The following CA8 variants were observed in gnomAD, a reference collection of about 807,000 sequenced individuals.
CA8 encodes carbonic anhydrase 8 (inactive), also known as carbonic anhydrase-related protein.
CA8 carries 22 observed loss-of-function variants against 41.4 expected under a neutral mutation model. The observed-to-expected ratio is 0.53, with a 90% confidence interval of 0.38 to 0.76. The LOEUF is 0.76. CA8 is among the 30% of genes least tolerant of loss of function. CA8 has a pLI of 0.00. For synonymous variants in CA8, 121 were observed against 130.6 expected (o/e 0.93, Z 0.50); for missense variants, 270 against 352.8 (o/e 0.77, Z 1.88).
intron 7 of CA8, among the ~76,000 whole-genome samples, chr8:60,212,283 G>A (rs111724787): frequency 0.026 from 3,947 of 152,206 alleles, 188 homozygotes; most frequent in African/African-American, 0.089. Context: ...TAATTTCCAG[G>A]GTTTGCAGTT....
In CA8 at chr8:60,279,886, A is replaced by T. The variant is rs1158029641; in HGVS notation, c.101-6T>A. The T allele has an allele frequency of 6.9e-6, 11 of 1,600,068 alleles. No individual in the cohort carries two copies. The highest frequency in any genetic ancestry group is 9.4e-6 in the Non-Finnish European group (11 of 1,172,688). ...CACCAGACCCCACTCAACACCTAAG[A>T]ACAAAATGAAATAAATTAAAAACAG... On this transcript the variant is annotated splice_region_variant and splice_polypyrimidine_tract_variant and intron_variant, in intron 1 of 8. Transcript: ENST00000317995.
chr8:60,265,574 C>T (rs1052053815), intron 3 of CA8: 1 of 281,172 alleles, frequency 3.6e-6, no homozygotes, highest in African/African-American at 2.2e-5. Flanking sequence ...TGAGGTTTCT[C>T]CAACGGTTGC....
intron 8 of CA8, among the ~76,000 whole-genome samples, chr8:60,200,837 C>G (rs1806404290): frequency 6.6e-6 from 1 of 152,168 alleles, no homozygotes; most frequent in Non-Finnish European, 1.5e-5. Flanking sequence ...TCAACCAGAG[C>G]TGGCATGCAA....
intron 8 of CA8, among the ~76,000 whole-genome samples, chr8:60,201,182 T>A (rs1263912411): frequency 6.6e-6 from 1 of 152,174 alleles, no homozygotes; most frequent in African/African-American, 2.4e-5. Context: ...GACCATAAAT[T>A]CAATATTGTA....
chr8:60,232,199 A>T, intron 4 of CA8, 85 bp downstream of exon 4: 1 of 996,308 alleles, frequency 1.0e-6, no homozygotes, highest in Non-Finnish European at 1.6e-6. Flanking sequence ...TCTCTAAGCA[A>T]TAAAATTGAG....
intron 3 of CA8, among the ~76,000 whole-genome samples, chr8:60,256,673 A>C (rs961822889): frequency 2.0e-5 from 3 of 152,186 alleles, no homozygotes; most frequent in Non-Finnish European, 4.4e-5. Flanking sequence ...TCATCATTTG[A>C]CTCAATTAGA....
At chr8:60,230,036 C>T (rs1308655164) in intron 4 of CA8, among the ~76,000 whole-genome samples, 4 of 152,190 alleles carry the variant, frequency 2.6e-5, no homozygotes, top group African/African-American at 9.7e-5. Flanking sequence ...TATTATCATC[C>T]CCTTCTGGTC....
At chr8:60,262,847 A>C (rs1803777482) in intron 3 of CA8, among the ~76,000 whole-genome samples, 1 of 152,246 alleles carries the variant, frequency 6.6e-6, no homozygotes, top group African/African-American at 2.4e-5. Context: ...TCTGAAACCT[A>C]CAGGTATCAA....
intron 7 of CA8, among the ~76,000 whole-genome samples, chr8:60,210,646 G>A (rs962598302): frequency 1.3e-5 from 2 of 150,510 alleles, no homozygotes; most frequent in African/African-American, 4.9e-5. Context: ...GTACTTACAT[G>A]CGCTTCGAAT....
At chr8:60,215,908 G>A (rs1274586594) in intron 7 of CA8, among the ~76,000 whole-genome samples, 1 of 152,170 alleles carries the variant, frequency 6.6e-6, no homozygotes, top group Non-Finnish European at 1.5e-5. Context: ...CCTATGGCAG[G>A]TGATGCATGT....
rs774262618 is a variant in CA8, at chr8:60,250,561, C to T, written c.417+15364G>A. On this transcript the variant is annotated intron_variant, in intron 3 of 8. Coordinates refer to ENST00000317995, the MANE Select transcript of CA8 (RefSeq NM_004056.6). ...TTGTCAAGGCCATCATCCCATTTCA[C>T]GTCATCTGAATGTCAGATCTGATTT... Among the ~76,000 whole-genome samples, 7 of 152,170 alleles carry T rather than the reference C, an allele frequency of 4.6e-5. No individual in the cohort carries two copies. In the East Asian group the frequency reaches 9.6e-4, roughly 21 times the overall value.
At chr8:60,244,606 C>T (rs1022566473) in intron 3 of CA8, among the ~76,000 whole-genome samples, 10 of 152,180 alleles carry the variant, frequency 6.6e-5, no homozygotes, top group African/African-American at 7.2e-5. Context: ...CATTTGCCCG[C>T]GAAATACCAC....
chr8:60,275,460 T>C (rs1585938181), intron 2 of CA8, among the ~76,000 whole-genome samples: 1 of 145,068 alleles, frequency 6.9e-6, no homozygotes, highest in Admixed American at 6.9e-5. Context: ...GGATGTTGTA[T>C]TTTTTTTAAA....
At chr8:60,209,037 T>C in intron 7 of CA8, 118 bp from the exon 8 acceptor site, 3 of 1,176,598 alleles carry the variant, frequency 2.5e-6, no homozygotes, top group Non-Finnish European at 1.2e-6. Context: ...GAAGAGAAAA[T>C]TAAAATTAAG....
chr8:60,210,068 C>T (rs1806779740), intron 7 of CA8, among the ~76,000 whole-genome samples: 2 of 152,182 alleles, frequency 1.3e-5, no homozygotes, highest in African/African-American at 4.8e-5. Context: ...TTCTTCATTC[C>T]ATATACAGAA....
chr8:60,197,059 G>C (rs1010652426), intron 8 of CA8, among the ~76,000 whole-genome samples: 2 of 152,100 alleles, frequency 1.3e-5, no homozygotes, highest in African/African-American at 4.8e-5. Flanking sequence ...CTGACACATA[G>C]TTACTGGGAA....
At chr8:60,271,247 T>C (rs1024118285) in intron 2 of CA8, among the ~76,000 whole-genome samples, 1 of 151,564 alleles carries the variant, frequency 6.6e-6, no homozygotes, top group African/African-American at 2.4e-5. Flanking sequence ...CAGGCTGAGG[T>C]GGGCAGATTG....
intron 3 of CA8, among the ~76,000 whole-genome samples, chr8:60,242,422 C>T (rs1210334223): frequency 1.3e-5 from 2 of 152,154 alleles, no homozygotes; most frequent in African/African-American, 4.8e-5. Context: ...AGACTGTGGA[C>T]ACAGGGAGTA....
intron 3 of CA8, among the ~76,000 whole-genome samples, chr8:60,261,226 T>C (rs1803722874): frequency 6.6e-6 from 1 of 152,220 alleles, no homozygotes; most frequent in Admixed American, 6.5e-5. Context: ...TCTTCACAAT[T>C]AAAGCATCTT....
Sources: allele counts gnomAD v4.1 joint callset (sites outside exome capture counted in the v4.1 genomes callset), GRCh38; gene constraint gnomAD v4.1.1; transcripts MANE v1.5; gene names NCBI Gene and HGNC (gene_info 2026-07-23, HGNC 2026-07-21).